KAZN: variants seen among roughly 807,000 people sequenced by gnomAD.
The protein encoded by KAZN is kazrin, periplakin interacting protein.
In KAZN, 40 loss-of-function variants were observed where a neutral mutation model predicts 87.4. The ratio of observed to expected loss-of-function variants is 0.46; its 90% confidence interval spans 0.36 to 0.60. The LOEUF (loss-of-function observed/expected upper bound fraction) is 0.60, where lower values mean the gene tolerates loss of function less well. Ranked by LOEUF, KAZN falls within the 20% of genes least tolerant of loss-of-function variation. The pLI is 0.00. For missense variants in KAZN, 898 were observed against 1,073.9 expected (o/e 0.84, Z 2.29); for synonymous variants, 466 against 458.3 (o/e 1.02, Z -0.22).
rs1019950086 is a variant in KAZN, at chr1:15,065,919, A to G, written c.1222+166A>G. ...CGTGTGCACGTGTGCGCTGGCACACATGGGTGCTGGGTGTGGCCGAGCGCC... is the reference window on the plus strand; with the variant it reads ...CGTGTGCACGTGTGCGCTGGCACACGTGGGTGCTGGGTGTGGCCGAGCGCC... On this transcript the variant is annotated intron_variant, in intron 8 of 14. Coordinates refer to ENST00000376030, the MANE Select transcript of KAZN (RefSeq NM_201628.3). 5.5e-6 allele frequency: 8 copies of G among 1,450,470 alleles called. No homozygotes were observed. In the African/African-American group the frequency reaches 7.2e-5, roughly 13 times the overall value. The allele number at this position is 1,450,470 out of a possible 1,614,324, so 89.8% of individuals were successfully genotyped here. A position where few individuals can be genotyped will look rare whatever the true frequency, so the allele number is the denominator to read the frequency against.
In KAZN at chr1:14,598,795, C is replaced by T; in HGVS notation, c.-203C>T. The T allele has an allele frequency of 7.4e-7, 1 of 1,348,654 alleles. No homozygotes were observed. The highest frequency in any genetic ancestry group is 2.1e-5 in the South Asian group (1 of 48,538). 83.5% of individuals were successfully genotyped at this position (1,348,654 alleles called of 1,614,324 possible). ...TCCGCCTCCTCCCCCCGCCGCCTCG[C>T]CACCGCCGCGGCTAGGGCTGGAGGC... On this transcript the variant is annotated 5_prime_UTR_variant, in exon 1 of 15. Transcript: ENST00000376030. The surrounding 1 kb of genome is among the most constrained non-coding windows in gnomAD (Gnocchi z 4.2).
intron 1 of KAZN, among the ~76,000 whole-genome samples, chr1:14,937,292 T>A (rs1420118123): frequency 7.2e-5 from 11 of 152,084 alleles, no homozygotes; most frequent in Admixed American, 7.2e-4. Flanking sequence ...TACTTGCAGG[T>A]TTTCTTAGAG....
chr1:14,537,723 G>A (rs1672584026), intron 2 of KAZN, among the ~76,000 whole-genome samples: 1 of 152,160 alleles, frequency 6.6e-6, no homozygotes, highest in African/African-American at 2.4e-5. Context: ...GAGCTGTTTG[G>A]ATCTCAGTTA....
chr1:14,905,241 T>C (rs956110421), intron 1 of KAZN, among the ~76,000 whole-genome samples: 1 of 152,056 alleles, frequency 6.6e-6, no homozygotes, highest in African/African-American at 2.4e-5. Context: ...GTATTTTGAG[T>C]AGAAATGGGG....
At chr1:14,152,473 T>A (rs192299977) in intron 1 of KAZN, among the ~76,000 whole-genome samples, 1 of 152,350 alleles carries the variant, frequency 6.6e-6, no homozygotes, top group Non-Finnish European at 1.5e-5. Context: ...TTATTTAGCA[T>A]AATGATTTCC....
At chr1:14,476,863 G>C (rs75969801) in intron 2 of KAZN, among the ~76,000 whole-genome samples, 5,217 of 152,134 alleles carry the variant, frequency 0.034, 241 homozygotes, top group East Asian at 0.18. Context: ...TAGCCGTGGC[G>C]ATACCTTTTT....
intron 7 of KAZN, among the ~76,000 whole-genome samples, chr1:15,065,191 G>A (rs747846160): frequency 1.3e-5 from 2 of 151,904 alleles, no homozygotes; most frequent in Non-Finnish European, 2.9e-5. Flanking sequence ...ACCACATCCG[G>A]CTAATTTTGT....
chr1:14,980,996 C>G (rs1455054704), intron 2 of KAZN, among the ~76,000 whole-genome samples: 1 of 152,184 alleles, frequency 6.6e-6, no homozygotes, highest in Non-Finnish European at 1.5e-5. Context: ...TTACTCATCC[C>G]CATGGCCACT....
intron 2 of KAZN, among the ~76,000 whole-genome samples, chr1:14,182,793 T>C (rs74059727): frequency 5.9e-5 from 9 of 152,188 alleles, no homozygotes; most frequent in Non-Finnish European, 1.3e-4. Context: ...AGACAAATGA[T>C]TGTACTCATT....
chr1:14,708,509 T>C (rs944733395), intron 1 of KAZN, among the ~76,000 whole-genome samples: 6 of 152,250 alleles, frequency 3.9e-5, no homozygotes, highest in African/African-American at 1.4e-4. Context: ...CCCATGGACT[T>C]TTCTTTTCTT....
intron 2 of KAZN, among the ~76,000 whole-genome samples, chr1:14,296,114 A>G (rs563496828): frequency 5.9e-5 from 9 of 152,350 alleles, no homozygotes; most frequent in African/African-American, 2.2e-4. Flanking sequence ...TGCCAAGCTT[A>G]GAGGACATAC....
intron 1 of KAZN, among the ~76,000 whole-genome samples, chr1:14,845,760 A>AT (rs1648679262): frequency 2.0e-5 from 3 of 152,166 alleles, no homozygotes; most frequent in Admixed American, 2.0e-4. Flanking sequence ...CTAAAATGGA[A>AT]TTAAACATTT....
chr1:14,874,244 G>T (rs1025859223), intron 1 of KAZN, among the ~76,000 whole-genome samples: 2 of 152,152 alleles, frequency 1.3e-5, no homozygotes, highest in African/African-American at 4.8e-5. Context: ...GAGGTCGGAA[G>T]GGGGAAGAGG....
intron 1 of KAZN, among the ~76,000 whole-genome samples, chr1:14,920,296 T>TTTG (rs1557621660): frequency 1.4e-5 from 2 of 147,408 alleles, no homozygotes; most frequent in Non-Finnish European, 1.5e-5. Flanking sequence ...TTTTTTTTTT[T>TTTG]GGGTGGCGCC....
intron 8 of KAZN, among the ~76,000 whole-genome samples, chr1:15,089,732 C>CAAAAA (rs56260619): frequency 3.3e-4 from 23 of 68,902 alleles, no homozygotes; most frequent in Non-Finnish European, 4.6e-4. Flanking sequence ...CTTTTATTGG[C>CAAAAA]AAAAAAAAAA....
chr1:14,035,161 TGGTA>T (rs935099247), intron 1 of KAZN, among the ~76,000 whole-genome samples: 3 of 152,138 alleles, frequency 2.0e-5, no homozygotes, highest in African/African-American at 7.2e-5. Flanking sequence ...GAACTTAACC[TGGTA>T]GGAAGGGCAG....
intron 1 of KAZN, among the ~76,000 whole-genome samples, chr1:14,053,705 G>A (rs1197401805): frequency 1.3e-5 from 2 of 152,226 alleles, no homozygotes; most frequent in East Asian, 1.9e-4. Context: ...GCCTGCTTTG[G>A]TATACAGACG....
At chr1:15,103,232 A>G in intron 11 of KAZN, 127 bp from the exon 12 acceptor site, 1 of 679,976 alleles carries the variant, frequency 1.5e-6, no homozygotes, top group African/African-American at 1.8e-5. Flanking sequence ...GCACCACTGC[A>G]CTCATGCCTG....
chr1:14,460,987 CTG>C (rs1438403124), intron 2 of KAZN, among the ~76,000 whole-genome samples: 1 of 152,186 alleles, frequency 6.6e-6, no homozygotes, highest in African/African-American at 2.4e-5. Flanking sequence ...CCTAGAGTAT[CTG>C]GACCCTGCGC....
Sources: allele counts gnomAD v4.1 joint callset (sites outside exome capture counted in the v4.1 genomes callset), GRCh38; gene constraint gnomAD v4.1.1; non-coding constraint Gnocchi (gnomAD v3.1); transcripts MANE v1.5; gene names NCBI Gene and HGNC (gene_info 2026-07-23, HGNC 2026-07-21).